Variants in GRIN2B observed in about 807,000 individuals in gnomAD.
The protein encoded by GRIN2B is glutamate ionotropic receptor NMDA type subunit 2B.
GRIN2B carries 5 observed loss-of-function variants against 114.5 expected under a neutral mutation model. The observed-to-expected ratio is 0.04, with a 90% CI of 0.02 to 0.09. The LOEUF (loss-of-function observed/expected upper bound fraction) is 0.09, where lower values mean the gene tolerates loss of function less well. Among genes scored for constraint, GRIN2B ranks in the 10% least tolerant of loss-of-function variants. GRIN2B has a pLI of 1.00. For missense variants in GRIN2B, 1,108 were observed against 1,943.5 expected (o/e 0.57, Z 8.08); for synonymous variants, 787 against 745.1 (o/e 1.06, Z -0.92).
chr12:13,881,704 T>C (rs1423582988), intron 2 of GRIN2B, among the ~76,000 whole-genome samples: 1 of 152,214 alleles, frequency 6.6e-6, no homozygotes, highest in Non-Finnish European at 1.5e-5. Flanking sequence ...CCCGATGCAA[T>C]ATCCTAATAT....
chr12:13,768,126 A>G (rs1863833608), intron 3 of GRIN2B, among the ~76,000 whole-genome samples: 1 of 152,228 alleles, frequency 6.6e-6, no homozygotes, highest in East Asian at 1.9e-4. Flanking sequence ...GAATTAGTTA[A>G]GCTTCCTTCT....
chr12:13,719,522 A>G (rs1950489147), intron 4 of GRIN2B, among the ~76,000 whole-genome samples: 1 of 152,036 alleles, frequency 6.6e-6, no homozygotes, highest in Non-Finnish European at 1.5e-5. Flanking sequence ...TGGTGGTAAC[A>G]CTGATTACCA....
chr12:13,654,105 G>A (rs534840298), intron 5 of GRIN2B, among the ~76,000 whole-genome samples: 5 of 152,300 alleles, frequency 3.3e-5, no homozygotes, highest in African/African-American at 1.2e-4. Flanking sequence ...GCAGAGGAAT[G>A]CTGTGCCAGG....
intron 10 of GRIN2B, among the ~76,000 whole-genome samples, chr12:13,577,304 C>T (rs886281185): frequency 6.6e-6 from 1 of 152,230 alleles, no homozygotes; most frequent in Non-Finnish European, 1.5e-5. Context: ...GTTAAAAGAG[C>T]TGTAATCTCA....
intron 4 of GRIN2B, among the ~76,000 whole-genome samples, chr12:13,680,911 C>CT (rs1353588525): frequency 6.6e-6 from 1 of 152,068 alleles, no homozygotes; most frequent in African/African-American, 2.4e-5. Flanking sequence ...GAGAAAGAGC[C>CT]TCAGAATCCT....
chr12:13,928,774 G>C (rs1025849024), intron 2 of GRIN2B, among the ~76,000 whole-genome samples: 16 of 152,156 alleles, frequency 1.1e-4, no homozygotes, highest in African/African-American at 3.6e-4. Flanking sequence ...AACTGCAAAG[G>C]GTAAGGCAAA....
chr12:13,563,244 C>A lies in GRIN2B; in HGVS notation c.3994G>T (p.Asp1332Tyr), dbSNP rs200421469. ...AACATGTGGGCGTAGGGGCTCCCATCCATGAATCGGCCCTTGTCTTTCAGG... is the reference window on the plus strand; with the variant it reads ...AACATGTGGGCGTAGGGGCTCCCATACATGAATCGGCCCTTGTCTTTCAGG... The part of the protein sequence containing the change: ...VSLKDKGRFM[D>Y]GSPYAHMFEM... Residue 1332 changes from aspartate to tyrosine, a missense_variant, in exon 14 of 14, where the codon GAT (aspartate) becomes TAT (tyrosine). Physicochemically the swap from Asp to Tyr is radical, Grantham distance 160. This residue lies in a region of GRIN2B where 478 missense variants were observed against 506.0 expected (regional missense o/e 0.94). Coordinates refer to ENST00000609686, the MANE Select transcript of GRIN2B (RefSeq NM_000834.5). 68 of 1,614,132 alleles carry A rather than the reference C, an allele frequency of 4.2e-5. No homozygotes were observed. The highest frequency in any genetic ancestry group is 2.5e-6 in the Non-Finnish European group (3 of 1,180,050).
intron 10 of GRIN2B, among the ~76,000 whole-genome samples, chr12:13,587,835 G>A (rs1187802092): frequency 1.3e-5 from 2 of 152,196 alleles, no homozygotes; most frequent in Non-Finnish European, 2.9e-5. Flanking sequence ...ATTTGTAACA[G>A]ATATTTGGGG....
intron 3 of GRIN2B, among the ~76,000 whole-genome samples, chr12:13,763,650 C>T (rs534862550): frequency 3.9e-5 from 6 of 152,136 alleles, no homozygotes; most frequent in African/African-American, 7.2e-5. Flanking sequence ...CTCCTGCACA[C>T]CCACACTAGC....
intron 3 of GRIN2B, among the ~76,000 whole-genome samples, chr12:13,775,965 A>G (rs1389235521): frequency 1.3e-5 from 2 of 152,180 alleles, no homozygotes; most frequent in African/African-American, 4.8e-5. Context: ...TATTATAAAG[A>G]CACATGTACA....
chr12:13,968,395 C>T (rs1043009556), intron 2 of GRIN2B, among the ~76,000 whole-genome samples: 6 of 152,110 alleles, frequency 3.9e-5, no homozygotes, highest in Non-Finnish European at 8.8e-5. Context: ...GGGGTCAACA[C>T]GATAACTGGC....
intron 2 of GRIN2B, among the ~76,000 whole-genome samples, chr12:13,869,863 A>G (rs1865879726): frequency 1.3e-5 from 2 of 152,228 alleles, no homozygotes; most frequent in Non-Finnish European, 2.9e-5. Context: ...TCTCTATGCT[A>G]TCATCGGTGA....
chr12:13,957,243 C>T lies in GRIN2B; in HGVS notation c.-19+22685G>A, dbSNP rs79168466. Among the ~76,000 whole-genome samples the T allele has an allele frequency of 5.7e-3, 865 of 152,092 alleles. 11 individuals carry two copies. Among genetic ancestry groups the T allele is most frequent in the African/African-American group, 0.02 (821 of 41,478 alleles). Reference sequence around the variant, plus strand: ...CCATTGGGAGCCTCTCCTGGGAGGTCGGCCTCAGTAAATATAGTAACTAGT... The same window carrying T: ...CCATTGGGAGCCTCTCCTGGGAGGTTGGCCTCAGTAAATATAGTAACTAGT... On this transcript the variant is annotated intron_variant, in intron 2 of 13. Coordinates refer to ENST00000609686, the MANE Select transcript of GRIN2B (RefSeq NM_000834.5).
intron 4 of GRIN2B, among the ~76,000 whole-genome samples, chr12:13,696,698 A>T (rs1438401170): frequency 6.6e-6 from 1 of 152,164 alleles, no homozygotes; most frequent in Non-Finnish European, 1.5e-5. Flanking sequence ...TTACAGGAAC[A>T]TGTTTAAGTC....
chr12:13,935,515 T>G (rs1867110037), intron 2 of GRIN2B, among the ~76,000 whole-genome samples: 1 of 152,228 alleles, frequency 6.6e-6, no homozygotes, highest in South Asian at 2.1e-4. Flanking sequence ...TTAACTTGAT[T>G]CAAACTGCCT....
chr12:13,846,215 C>T (rs1407318917), intron 3 of GRIN2B, among the ~76,000 whole-genome samples: 1 of 152,134 alleles, frequency 6.6e-6, no homozygotes, highest in African/African-American at 2.4e-5. Context: ...GCTCTTTCCA[C>T]TCTAACATCT....
At chr12:13,597,155 G>A (rs796857292) in intron 10 of GRIN2B, among the ~76,000 whole-genome samples, 4 of 152,292 alleles carry the variant, frequency 2.6e-5, no homozygotes, top group African/African-American at 9.6e-5. Flanking sequence ...TGATCTCAAA[G>A]GGTGGACATA....
intron 3 of GRIN2B, among the ~76,000 whole-genome samples, chr12:13,823,552 T>G (rs984029456): frequency 9.9e-5 from 15 of 152,132 alleles, no homozygotes; most frequent in Admixed American, 2.6e-4. Context: ...TTCTAGTGAT[T>G]TTATGTAAAT....
intron 5 of GRIN2B, among the ~76,000 whole-genome samples, chr12:13,639,509 G>A (rs1394527200): frequency 3.3e-5 from 5 of 152,128 alleles, no homozygotes; most frequent in African/African-American, 7.2e-5. Flanking sequence ...GTTCCCACAC[G>A]TGTTCCACTT....
Sources: allele counts gnomAD v4.1 joint callset (sites outside exome capture counted in the v4.1 genomes callset), GRCh38; gene constraint gnomAD v4.1.1; regional missense constraint gnomAD v4.1.1; transcripts MANE v1.5; gene names NCBI Gene and HGNC (gene_info 2026-07-23, HGNC 2026-07-21).